The following PIK3C2A variants were observed in gnomAD, a reference collection of about 807,000 sequenced individuals.
The protein encoded by PIK3C2A is phosphatidylinositol 4-phosphate 3-kinase C2 domain-containing subunit alpha.
PIK3C2A carries 97 observed loss-of-function variants against 204.5 expected under a neutral mutation model. The ratio of observed to expected loss-of-function variants is 0.47; its 90% CI spans 0.40 to 0.56. The LOEUF (loss-of-function observed/expected upper bound fraction) is 0.56, where lower values mean the gene tolerates loss of function less well. Among genes scored for constraint, PIK3C2A ranks in the 20% least tolerant of loss-of-function variants. The pLI, the probability that PIK3C2A is intolerant of heterozygous loss-of-function variation, is 0.00. For synonymous variants in PIK3C2A, 653 were observed against 664.4 expected (o/e 0.98, Z 0.26); for missense variants, 1,735 against 1,969.2 (o/e 0.88, Z 2.25).
chr11:17,105,839 T>TCCTAGCACTG (rs1215441018), intron 22 of PIK3C2A, among the ~76,000 whole-genome samples: 20 of 152,204 alleles, frequency 1.3e-4, no homozygotes, highest in African/African-American at 4.8e-4. Context: ...CTGGGTGCAG[T>TCCTAGCACTG]GACTCACGCC....
chr11:17,120,194 C>T (rs1254803255), intron 15 of PIK3C2A, among the ~76,000 whole-genome samples: 2 of 151,822 alleles, frequency 1.3e-5, no homozygotes, highest in African/African-American at 4.8e-5. Context: ...ATAAAAGATG[C>T]TTAGTTAGGA....
chr11:17,109,401 T>C (rs144745399), intron 22 of PIK3C2A, among the ~76,000 whole-genome samples: 1 of 152,346 alleles, frequency 6.6e-6, no homozygotes, highest in East Asian at 1.9e-4. Flanking sequence ...CTGCCATTTA[T>C]TGAGCACATA....
Position 17,155,447 on chromosome 11 carries a change from A to T in PIK3C2A, c.1169+79T>A, listed in dbSNP as rs530334615. ...CAAGAAGAAAATAATTAAAATTTTTAAAATTTTAGAATTATTAGCACTAAA... is the reference window on the plus strand; with the variant it reads ...CAAGAAGAAAATAATTAAAATTTTTTAAATTTTAGAATTATTAGCACTAAA... On this transcript the variant is annotated intron_variant, in intron 3 of 32. Transcript: ENST00000691414. 3.8e-5 allele frequency: 27 copies of T among 706,944 alleles called. No individual in the cohort carries two copies. The South Asian group carries it at 4.6e-4, about 12-fold the overall frequency. 43.8% of individuals were successfully genotyped at this position (706,944 alleles called of 1,614,324 possible). A position where few individuals can be genotyped will look rare whatever the true frequency, so the allele number is the denominator to read the frequency against.
At chr11:17,104,724 C>CA (rs5789973) in intron 23 of PIK3C2A, among the ~76,000 whole-genome samples, 49,965 of 87,004 alleles carry the variant, frequency 0.57, 13,466 homozygotes, top group Middle Eastern at 0.69. Context: ...GACTCCATCT[C>CA]AAAAAAAAAA....
In PIK3C2A at chr11:17,101,277, C is replaced by A; in HGVS notation, c.4008+1G>T. On this transcript the variant is annotated splice_donor_variant, in intron 25 of 32. Coordinates refer to ENST00000691414, the MANE Select transcript of PIK3C2A (RefSeq NM_002645.4). LOFTEE classifies it high-confidence loss of function. ...ATTAAGTGCTTATAAAGAATAGTTA[C>A]CAGTGAAAGGAGGTTAAGAAAAAGG... 6.7e-7 allele frequency: 1 copy of A among 1,501,126 alleles called. No individual in the cohort carries two copies. Among genetic ancestry groups the A allele is most frequent in the Non-Finnish European group, 9.1e-7 (1 of 1,101,396 alleles). 93.0% of individuals were successfully genotyped at this position (1,501,126 alleles called of 1,614,324 possible). A position where few individuals can be genotyped will look rare whatever the true frequency, so the allele number is the denominator to read the frequency against.
At chr11:17,100,907 C>T (rs1373062450) in intron 25 of PIK3C2A, among the ~76,000 whole-genome samples, 2 of 151,826 alleles carry the variant, frequency 1.3e-5, no homozygotes, top group Non-Finnish European at 2.9e-5. Context: ...TAATATATAC[C>T]CAGGAAAGTA....
chr11:17,193,428 A>T, intron 1 of PIK3C2A: 1 of 312,418 alleles, frequency 3.2e-6, no homozygotes, highest in South Asian at 2.7e-5. Flanking sequence ...TTCAACTTAA[A>T]AATTGCTGAA....
chr11:17,144,429 A>G (rs990032638), intron 8 of PIK3C2A, among the ~76,000 whole-genome samples: 28 of 152,198 alleles, frequency 1.8e-4, no homozygotes, highest in African/African-American at 6.8e-4. Context: ...ATTCATTTTC[A>G]TAACTCTAGC....
At chr11:17,145,107 C>G (rs1850191454) in intron 8 of PIK3C2A, among the ~76,000 whole-genome samples, 2 of 152,012 alleles carry the variant, frequency 1.3e-5, no homozygotes, top group Non-Finnish European at 2.9e-5. Context: ...AGGGATTTGC[C>G]TTGTCTCAGA....
chr11:17,099,442 G>A (rs901967518), intron 26 of PIK3C2A, among the ~76,000 whole-genome samples: 2 of 152,156 alleles, frequency 1.3e-5, no homozygotes, highest in Admixed American at 1.3e-4. Context: ...AGCTATTCAG[G>A]AGGCTGAGGC....
In PIK3C2A at chr11:17,112,609, C is replaced by A; in HGVS notation, c.3379G>T (p.Asp1127Tyr). 1 of 1,557,914 alleles carries A rather than the reference C, an allele frequency of 6.4e-7. No homozygotes were observed. ...VPLKVTMVNA[D>Y]PMGEEINVMF... ...ACATTAATTTCTTCTCCCATAGGGT[C>A]AGCATTCACCATTGTGACTTTTAGG... is the stretch of plus-strand genomic sequence containing the variant. Residue 1127 changes from aspartate to tyrosine, a missense_variant, in exon 21 of 33, where the codon GAC (aspartate) becomes TAC (tyrosine). Physicochemically the swap from Asp to Tyr is radical, Grantham distance 160. Transcript: ENST00000691414.
At chr11:17,199,818 G>C (rs571377315) in intron 1 of PIK3C2A, among the ~76,000 whole-genome samples, 1 of 150,778 alleles carries the variant, frequency 6.6e-6, no homozygotes, top group South Asian at 2.1e-4. Flanking sequence ...CCAGCTACTC[G>C]GGAGGCTGAG....
chr11:17,182,567 C>CAA (rs11453658), intron 1 of PIK3C2A, among the ~76,000 whole-genome samples: 6,490 of 91,670 alleles, frequency 0.071, 442 homozygotes, highest in African/African-American at 0.17. Flanking sequence ...GACCCTGTCT[C>CAA]AAAAAAAAAA....
chr11:17,188,010 C>T (rs1591014263), intron 1 of PIK3C2A, among the ~76,000 whole-genome samples: 1 of 152,102 alleles, frequency 6.6e-6, no homozygotes, highest in Non-Finnish European at 1.5e-5. Flanking sequence ...TCATCATTTG[C>T]ATGTTTTAAT....
chr11:17,111,833 C>T (rs1265385431), intron 21 of PIK3C2A, among the ~76,000 whole-genome samples: 3 of 145,702 alleles, frequency 2.1e-5, no homozygotes, highest in African/African-American at 5.1e-5. Flanking sequence ...GCTGAGATCA[C>T]GCCATTGCAC....
Position 17,137,423 on chromosome 11 carries a change from C to CTTTTTTTTTTTTTTTTTT in PIK3C2A, c.1705-799_1705-798insAAAAAAAAAAAAAAAAAA, listed in dbSNP as rs33912263. 1.6e-5 allele frequency among the ~76,000 whole-genome samples: 2 copies of CTTTTTTTTTTTTTTTTTT among 125,050 alleles called. 1 individual carries two copies. Among genetic ancestry groups the CTTTTTTTTTTTTTTTTTT allele is most frequent in the Non-Finnish European group, 3.2e-5 (2 of 61,676 alleles). The allele number at this position is 125,050 out of a possible 152,430, so 82.0% of individuals were successfully genotyped here. A position where few individuals can be genotyped will look rare whatever the true frequency, so the allele number is the denominator to read the frequency against. On this transcript the variant is annotated intron_variant, in intron 8 of 32. Transcript: ENST00000691414. ...CCTATATTACTTCATATTACTTTGC[C>CTTTTTTTTTTTTTTTTTT]TTTTTTTTTGAGACGGACTCTCATT... is the stretch of plus-strand genomic sequence containing the variant.
At chr11:17,164,460 T>C (rs1850884045) in intron 2 of PIK3C2A, among the ~76,000 whole-genome samples, 2 of 152,124 alleles carry the variant, frequency 1.3e-5, no homozygotes, top group Non-Finnish European at 1.5e-5. Flanking sequence ...TATAATGGAA[T>C]GATGAACACT....
chr11:17,181,694 A>AC (rs1565297399), intron 1 of PIK3C2A, among the ~76,000 whole-genome samples: 4 of 140,410 alleles, frequency 2.8e-5, no homozygotes, highest in Admixed American at 1.4e-4. Flanking sequence ...ACACACACAC[A>AC]AACACACACA....
At chr11:17,099,993 T>C (rs771265380) in intron 25 of PIK3C2A, 24 bp from the exon 26 acceptor site, 5 of 1,152,828 alleles carry the variant, frequency 4.3e-6, no homozygotes, top group East Asian at 2.3e-5. Context: ...CAAAAAGTTC[T>C]GTGAGTTAAA....
Sources: allele counts gnomAD v4.1 joint callset (sites outside exome capture counted in the v4.1 genomes callset), GRCh38; gene constraint gnomAD v4.1.1; transcripts MANE v1.5; gene names NCBI Gene and HGNC (gene_info 2026-07-23, HGNC 2026-07-21).